MAST2: variants seen among roughly 807,000 people sequenced by gnomAD.
The protein encoded by MAST2 is microtubule-associated serine/threonine-protein kinase 2.
Under a neutral mutation model 147.4 loss-of-function variants are expected in MAST2, and 70 were observed. The ratio of observed to expected loss-of-function variants is 0.47; its 90% CI spans 0.39 to 0.58. MAST2 has a LOEUF of 0.58. Ranked by LOEUF, MAST2 falls within the 20% of genes least tolerant of loss-of-function variation. The probability of loss-of-function intolerance (pLI) is 0.00; values close to 1 mark genes in which losing one functional copy is unlikely to be tolerated. For missense variants in MAST2, 2,080 were observed against 2,302.3 expected (o/e 0.90, Z 1.98); for synonymous variants, 869 against 896.8 (o/e 0.97, Z 0.55).
chr1:45,829,778 C>G lies in MAST2; in HGVS notation c.468+197C>G, dbSNP rs532513470. Among the ~76,000 whole-genome samples the G allele has an allele frequency of 2.6e-4, 40 of 152,042 alleles. No homozygotes were observed. The South Asian group carries it at 7.9e-3, about 30-fold the overall frequency. ...TGTTGCCCAGGCTGACTTCGAACTC[C>G]TTGGCTGTAGTATTCCTATTGCCTC... On this transcript the variant is annotated intron_variant, in intron 3 of 28. Transcript: ENST00000361297.
intron 4 of MAST2, among the ~76,000 whole-genome samples, chr1:45,892,384 C>T (rs77086337): frequency 0.04 from 6,138 of 152,238 alleles, 188 homozygotes; most frequent in Non-Finnish European, 0.061. Context: ...ACAACTGGCT[C>T]CCTTGCATAT....
intron 4 of MAST2, among the ~76,000 whole-genome samples, chr1:45,901,059 T>C (rs1570624145): frequency 6.6e-6 from 1 of 152,198 alleles, no homozygotes; most frequent in East Asian, 1.9e-4. Flanking sequence ...GAGGTCTTAG[T>C]CATAAATTAT....
chr1:46,035,486 G>C lies in MAST2; in HGVS notation c.4817G>C (p.Gly1606Ala). Reference protein sequence around the residue: ...SSAGPNLGQSGATDPIPPEGC... With the variant: ...SSAGPNLGQSAATDPIPPEGC... ...GCAGGCCCCAACCTAGGTCAGTCTG[G>C]AGCCACAGACCCCATCCCTCCTGAA... The change falls in exon 29 of 29, where the codon GGA becomes GCA. Residue 1606 changes from glycine (G) to alanine (A), a missense_variant. Physicochemically the swap from Gly to Ala is moderately conservative, Grantham distance 60 (BLOSUM62 0). Transcript: ENST00000361297. This position sits in a 1 kb window ranked among gnomAD's most constrained non-coding sequence, Gnocchi z 5.5. 1 of 1,613,282 alleles carries C rather than the reference G, an allele frequency of 6.2e-7. No homozygotes were observed. Among genetic ancestry groups the C allele is most frequent in the Non-Finnish European group, 8.5e-7 (1 of 1,179,994 alleles).
intron 10 of MAST2, among the ~76,000 whole-genome samples, chr1:46,015,906 C>T (rs1224733261): frequency 2.0e-5 from 3 of 152,160 alleles, no homozygotes; most frequent in Non-Finnish European, 4.4e-5. Flanking sequence ...CCTTGATGAA[C>T]ATTGATGCAA....
At chr1:45,926,826 C>A (rs1231987197) in intron 4 of MAST2, among the ~76,000 whole-genome samples, 1 of 151,728 alleles carries the variant, frequency 6.6e-6, no homozygotes. Context: ...CCCTTATATG[C>A]GACAGATAGT....
chr1:46,033,265 C>T (rs2149346916), intron 26 of MAST2, among the ~76,000 whole-genome samples: 1 of 144,334 alleles, frequency 6.9e-6, no homozygotes, highest in East Asian at 2.0e-4. Flanking sequence ...CAGCAAGACT[C>T]TGTTTCCAAA....
At chr1:45,895,805 A>G (rs980273864) in intron 4 of MAST2, among the ~76,000 whole-genome samples, 1 of 152,246 alleles carries the variant, frequency 6.6e-6, no homozygotes, top group Non-Finnish European at 1.5e-5. Flanking sequence ...TATACAATTG[A>G]AAATGGCAAA....
At chr1:45,808,567 T>C (rs1457349313) in intron 1 of MAST2, among the ~76,000 whole-genome samples, 1 of 152,198 alleles carries the variant, frequency 6.6e-6, no homozygotes, top group African/African-American at 2.4e-5. Context: ...TGGCATTAGG[T>C]TCTCTCGATT....
intron 3 of MAST2, among the ~76,000 whole-genome samples, chr1:45,861,641 T>A (rs777771147): frequency 3.3e-5 from 5 of 152,038 alleles, no homozygotes; most frequent in Non-Finnish European, 7.4e-5. Context: ...TTCCTTTTCA[T>A]CTTTTGTGGT....
intron 3 of MAST2, among the ~76,000 whole-genome samples, chr1:45,830,829 C>A (rs2147821752): frequency 6.6e-6 from 1 of 151,736 alleles, no homozygotes; most frequent in South Asian, 2.1e-4. Flanking sequence ...TCAAGACTAG[C>A]CTGGGCAACA....
chr1:45,951,934 A>G (rs541643057), intron 4 of MAST2, among the ~76,000 whole-genome samples: 1 of 152,346 alleles, frequency 6.6e-6, no homozygotes, highest in South Asian at 2.1e-4. Context: ...GAACATCTTG[A>G]AGCATGGTGA....
chr1:45,975,177 C>T (rs774858002), intron 5 of MAST2, among the ~76,000 whole-genome samples: 9 of 152,082 alleles, frequency 5.9e-5, no homozygotes, highest in South Asian at 2.1e-4. Context: ...GCAACCTGTT[C>T]AGGGTATGTT....
chr1:45,910,954 T>A (rs936562544), intron 4 of MAST2, among the ~76,000 whole-genome samples: 1 of 152,206 alleles, frequency 6.6e-6, no homozygotes, highest in Non-Finnish European at 1.5e-5. Context: ...ATTTTTAGGG[T>A]TCTGCTTTGC....
At chr1:45,856,754 T>C (rs2148031262) in intron 3 of MAST2, among the ~76,000 whole-genome samples, 1 of 151,788 alleles carries the variant, frequency 6.6e-6, no homozygotes. Context: ...CCATGTTTTG[T>C]ATATACGTGG....
At chr1:45,817,288 A>G (rs1644486404) in intron 1 of MAST2, among the ~76,000 whole-genome samples, 1 of 152,198 alleles carries the variant, frequency 6.6e-6, no homozygotes, top group South Asian at 2.1e-4. Context: ...TTAATAATCA[A>G]ACTTCTAAAG....
intron 3 of MAST2, among the ~76,000 whole-genome samples, chr1:45,843,732 G>C (rs1314725643): frequency 6.6e-6 from 1 of 152,178 alleles, no homozygotes; most frequent in Non-Finnish European, 1.5e-5. Flanking sequence ...GAGAATTGCT[G>C]TCCTTTTCAC....
At chr1:45,909,947 G>A (rs937511220) in intron 4 of MAST2, among the ~76,000 whole-genome samples, 3 of 152,130 alleles carry the variant, frequency 2.0e-5, no homozygotes, top group Non-Finnish European at 2.9e-5. Context: ...CTGGTCTCGA[G>A]TTCCTGGGCT....
At chr1:45,890,636 G>A (rs1647602665) in intron 4 of MAST2, among the ~76,000 whole-genome samples, 1 of 152,120 alleles carries the variant, frequency 6.6e-6, no homozygotes, top group African/African-American at 2.4e-5. Context: ...TGGAAATATA[G>A]TCAGATTGGG....
At chr1:45,939,447 T>G (rs1201859997) in intron 4 of MAST2, among the ~76,000 whole-genome samples, 1 of 152,292 alleles carries the variant, frequency 6.6e-6, no homozygotes, top group East Asian at 1.9e-4. Context: ...GGTGGTATAA[T>G]TCCTCCAACT....
Sources: gnomAD v4.1 joint callset for allele counts (sites outside exome capture counted in the v4.1 genomes callset) on GRCh38, gnomAD v4.1.1 for gene constraint, Gnocchi (gnomAD v3.1) non-coding constraint, MANE v1.5 for transcripts, NCBI Gene and HGNC (gene_info 2026-07-23, HGNC 2026-07-21) for gene names.